ATP7A: variants seen among roughly 807,000 people sequenced by gnomAD.
ATP7A encodes the protein copper-transporting ATPase 1.
Under a neutral mutation model 83.5 loss-of-function variants are expected in ATP7A, and 7 were observed. The observed-to-expected ratio is 0.08, with a 90% CI of 0.05 to 0.16. ATP7A has a LOEUF of 0.16. ATP7A is among the 10% of genes least tolerant of loss of function. ATP7A has a pLI of 1.00. For missense variants in ATP7A, 940 were observed against 1,120.8 expected, an observed-to-expected ratio of 0.84 and a Z score of 2.30; for synonymous variants, 354 against 395.2, an observed-to-expected ratio of 0.90 and a Z score of 1.24.
intron 5 of ATP7A, among the ~76,000 whole-genome samples, chrX:77,999,959 T>C (rs2077729450): frequency 9.3e-6 from 1 of 107,222 alleles, no homozygotes. Flanking sequence ...ATCAAAGTCA[T>C]AGATTTGGTA....
intron 1 of ATP7A, chrX:77,962,601 C>T (rs782235969): frequency 2.8e-6 from 1 of 355,687 alleles, no homozygotes; most frequent in South Asian, 2.6e-5. Context: ...CCTACTTCCT[C>T]TCTCTTCTCC....
chrX:77,988,094 TA>T, intron 2 of ATP7A, 147 bp from the exon 3 acceptor site: 1 of 631,778 alleles, frequency 1.6e-6, no homozygotes, highest in Non-Finnish European at 2.4e-6. Flanking sequence ...TGTTTCTTTC[TA>T]ACAAGAAGAG....
intron 1 of ATP7A, among the ~76,000 whole-genome samples, chrX:77,919,884 T>C (rs1557222925): frequency 8.9e-6 from 1 of 112,384 alleles, no homozygotes; most frequent in East Asian, 2.8e-4. Flanking sequence ...ATTTTTTTCA[T>C]CATCCCAAAC....
chrX:78,009,352 A>G, intron 7 of ATP7A, 89 bp downstream of exon 7: 1 of 1,009,446 alleles, frequency 9.9e-7, no homozygotes, highest in Non-Finnish European at 1.4e-6. Context: ...GATAGAGGCA[A>G]TGAAAAAAAA....
At chrX:78,001,308 TTTTTTAA>T (rs1472754493) in intron 5 of ATP7A, among the ~76,000 whole-genome samples, 3 of 111,559 alleles carry the variant, frequency 2.7e-5, no homozygotes, top group African/African-American at 9.8e-5. Flanking sequence ...GTTTATCTAC[TTTTTTAA>T]TTTTTAATTT....
At chrX:78,035,037 C>T (rs1557237603) in intron 17 of ATP7A, among the ~76,000 whole-genome samples, 1 of 110,504 alleles carries the variant, frequency 9.0e-6, no homozygotes, top group Non-Finnish European at 1.9e-5. Flanking sequence ...AGCCACTGCA[C>T]CCCTGGCTGT....
At chrX:78,004,527 T>A (rs1315210560) in intron 6 of ATP7A, among the ~76,000 whole-genome samples, 1 of 111,112 alleles carries the variant, frequency 9.0e-6, no homozygotes, top group Non-Finnish European at 1.9e-5. Context: ...GGTGGGAGGA[T>A]CACTTGAGCC....
chrX:77,985,128 C>T (rs1258657720), intron 2 of ATP7A, among the ~76,000 whole-genome samples: 1 of 110,655 alleles, frequency 9.0e-6, no homozygotes, highest in African/African-American at 3.3e-5. Flanking sequence ...AGGCAATCCT[C>T]CCACCTCAGC....
At chrX:77,932,988 T>C (rs782281766) in intron 1 of ATP7A, among the ~76,000 whole-genome samples, 1 of 111,514 alleles carries the variant, frequency 9.0e-6, no homozygotes, top group South Asian at 3.8e-4. Context: ...AACTGCAGCA[T>C]TGAACTCTTA....
intron 2 of ATP7A, among the ~76,000 whole-genome samples, chrX:77,983,929 C>A (rs2077619901): frequency 9.0e-6 from 1 of 111,479 alleles, no homozygotes; most frequent in Non-Finnish European, 1.9e-5. Context: ...AAGTGATACA[C>A]CCACCTCGGC....
Position 78,020,382 on chromosome X carries a change from A to G in ATP7A, c.2765A>G (p.Glu922Gly), listed in dbSNP as rs2077896880. Residue 922 changes from glutamate to glycine, a missense_variant, in exon 13 of 23, where the codon GAG becomes GGG. Around this residue, in one of 3 missense-constraint regions of ATP7A, gnomAD observed 386 missense variants for 502.2 expected, o/e 0.77. Coordinates refer to ENST00000341514, the MANE Select transcript of ATP7A (RefSeq NM_000052.7). Reference protein sequence around the residue: ...TLSQIVKLVEEAQTSKAPIQQ... With the variant: ...TLSQIVKLVEGAQTSKAPIQQ... ...TCTCAAATTGTCAAACTTGTGGAAG[A>G]GGCACAAACATCAAAGGTAACTTAA... The G allele has an allele frequency of 1.7e-6, 2 of 1,209,978 alleles. No individual in the cohort carries two copies. The highest frequency in any genetic ancestry group is 1.7e-5 in the African/African-American group (1 of 57,337).
chrX:78,041,727 C>G (rs1458014245), intron 19 of ATP7A, among the ~76,000 whole-genome samples: 1 of 111,780 alleles, frequency 8.9e-6, no homozygotes, highest in Non-Finnish European at 1.9e-5. Context: ...CAGTATAATT[C>G]TGGTCTTTTC....
chrX:77,919,617 A>C (rs1352481835), intron 1 of ATP7A, among the ~76,000 whole-genome samples: 1 of 112,195 alleles, frequency 8.9e-6, no homozygotes, highest in Non-Finnish European at 1.9e-5. Flanking sequence ...CAGCCCCCTG[A>C]GTAGCTAAGA....
rs1399879043 is a variant in ATP7A, at chrX:78,009,258, A to T, written c.1864A>T (p.Ile622Phe). The T allele has an allele frequency of 1.7e-6, 2 of 1,205,184 alleles. No individual in the cohort carries two copies. The highest frequency in any genetic ancestry group is 2.2e-6 in the Non-Finnish European group (2 of 891,654). Residue 622 changes from isoleucine to phenylalanine, a missense_variant, in exon 7 of 23, where the codon ATT becomes TTT. Physicochemically the swap from Ile to Phe is conservative, Grantham distance 21. Coordinates refer to ENST00000341514, the MANE Select transcript of ATP7A (RefSeq NM_000052.7). ...TGGTCCTAGAGATATTATCCATACAATTGAAGTAAGTGCCAAGAATTTATG... is the reference window on the plus strand; with the variant it reads ...TGGTCCTAGAGATATTATCCATACATTTGAAGTAAGTGCCAAGAATTTATG... ...IIGPRDIIHTIESLGFEASLV... is the reference protein window; with the variant it reads ...IIGPRDIIHTFESLGFEASLV...
chrX:78,046,799 A>G lies in ATP7A; in HGVS notation c.*229A>G. On this transcript the variant is annotated 3_prime_UTR_variant, in exon 23 of 23. Transcript: ENST00000341514. Reference sequence around the variant, plus strand: ...CAGTATATTTTTGTTTTCACTAACAACAGATAAGGTAGAGCAGTGAGGTTT... The same window carrying G: ...CAGTATATTTTTGTTTTCACTAACAGCAGATAAGGTAGAGCAGTGAGGTTT... 4.6e-6 allele frequency: 2 copies of G among 430,529 alleles called. No homozygotes were observed. Among genetic ancestry groups the G allele is most frequent in the South Asian group, 7.1e-5 (2 of 28,304 alleles). 35.5% of individuals were successfully genotyped at this position (430,529 alleles called of 1,213,427 possible).
chrX:77,976,068 A>G (rs1483144737), intron 2 of ATP7A: 1 of 111,871 alleles, frequency 8.9e-6, no homozygotes, highest in African/African-American at 3.2e-5. Flanking sequence ...TGGTTTTCCT[A>G]TGACTAGTTG....
chrX:77,997,764 G>A (rs2077713537), intron 4 of ATP7A, among the ~76,000 whole-genome samples: 1 of 110,687 alleles, frequency 9.0e-6, no homozygotes, highest in African/African-American at 3.3e-5. Flanking sequence ...AGTCCATAAA[G>A]ATTCTCTGAA....
At chrX:77,912,820 A>G (rs938197940) in intron 1 of ATP7A, among the ~76,000 whole-genome samples, 2 of 111,806 alleles carry the variant, frequency 1.8e-5, no homozygotes, top group African/African-American at 6.5e-5. Context: ...ATTTCTCTCT[A>G]TTGATCTTCT....
chrX:77,937,873 T>G (rs2077328486), intron 1 of ATP7A, among the ~76,000 whole-genome samples: 1 of 105,502 alleles, frequency 9.5e-6, no homozygotes, highest in African/African-American at 3.5e-5. Context: ...TGGTTCTCTC[T>G]CTCTCTCTCT....
Sources: allele counts gnomAD v4.1 joint callset (sites outside exome capture counted in the v4.1 genomes callset), GRCh38; gene constraint gnomAD v4.1.1; regional missense constraint gnomAD v4.1.1; transcripts MANE v1.5; gene names NCBI Gene and HGNC (gene_info 2026-07-23, HGNC 2026-07-21).